AKAP7: variants seen among roughly 807,000 people sequenced by gnomAD.
AKAP7 encodes A-kinase anchoring protein 7.
In AKAP7, 39 loss-of-function variants were observed where a neutral mutation model predicts 39.5. The observed-to-expected ratio is 0.99, with a 90% confidence interval of 0.76 to 1.29. The LOEUF (loss-of-function observed/expected upper bound fraction) is 1.29. Among genes scored for constraint, AKAP7 ranks in the 50% most tolerant of loss-of-function variants. AKAP7 has a pLI of 0.00. For synonymous variants in AKAP7, 140 were observed against 139.1 expected (o/e 1.01, Z -0.05); for missense variants, 414 against 407.7 (o/e 1.02, Z -0.13).
Position 131,201,774 on chromosome 6 carries a change from G to C in AKAP7, c.702+2201G>C, listed in dbSNP as rs1807592494. On this transcript the variant is annotated intron_variant, in intron 6 of 7. Transcript: ENST00000431975. Reference sequence around the variant, plus strand: ...CATCTTGAATTAATTTTTGTATAAGGTGTAAGGAAGGGATCCAGTTTCAGC... The same window carrying C: ...CATCTTGAATTAATTTTTGTATAAGCTGTAAGGAAGGGATCCAGTTTCAGC... Among the ~76,000 whole-genome samples, 6 of 152,166 alleles carry C rather than the reference G, an allele frequency of 3.9e-5. 1 individual carries two copies. In the Middle Eastern group the frequency reaches 0.01, roughly 259 times the overall value.
intron 6 of AKAP7, among the ~76,000 whole-genome samples, chr6:131,212,672 G>T (rs1808783439): frequency 6.6e-6 from 1 of 152,156 alleles, no homozygotes. Context: ...TAAGTAGTAT[G>T]CAGGGAATAC....
intron 7 of AKAP7, among the ~76,000 whole-genome samples, chr6:131,227,000 A>G (rs2128303033): frequency 6.6e-6 from 1 of 152,340 alleles, no homozygotes. Flanking sequence ...CAAAGGCTAC[A>G]TCTGAGAAAT....
At chr6:131,246,636 T>C (rs1013229251) in intron 7 of AKAP7, among the ~76,000 whole-genome samples, 1 of 151,716 alleles carries the variant, frequency 6.6e-6, no homozygotes, top group Non-Finnish European at 1.5e-5. Flanking sequence ...AATTGAGTCG[T>C]TTTTCCAAGA....
intron 7 of AKAP7, among the ~76,000 whole-genome samples, chr6:131,268,266 A>C (rs1174911912): frequency 6.6e-6 from 1 of 152,136 alleles, no homozygotes; most frequent in East Asian, 1.9e-4. Flanking sequence ...GTCTTGGATG[A>C]ACTAAGCTTC....
chr6:131,162,798 C>T (rs1803109950), intron 3 of AKAP7, among the ~76,000 whole-genome samples: 1 of 152,160 alleles, frequency 6.6e-6, no homozygotes, highest in Non-Finnish European at 1.5e-5. Flanking sequence ...GCTCAAACCT[C>T]TCTACCCATG....
intron 7 of AKAP7, among the ~76,000 whole-genome samples, chr6:131,245,903 C>T (rs796077913): frequency 7.9e-5 from 12 of 152,120 alleles, no homozygotes; most frequent in African/African-American, 2.9e-4. Flanking sequence ...GTTTTTCCTT[C>T]TCATGTGTCT....
Position 131,269,402 on chromosome 6 carries a change from G to A in AKAP7, c.851-12128G>A, listed in dbSNP as rs759755790. Among the ~76,000 whole-genome samples the A allele has an allele frequency of 5.8e-4, 88 of 152,164 alleles. 3 individuals are homozygous for A. The highest frequency in any genetic ancestry group is 1.9e-4 in the Non-Finnish European group (13 of 68,028). ...AGAATTGCACCTCTCAATCAGTTCTGCACAAAATGACTTGGAGTGGTCTTG... is the reference window on the plus strand; with the variant it reads ...AGAATTGCACCTCTCAATCAGTTCTACACAAAATGACTTGGAGTGGTCTTG... On this transcript the variant is annotated intron_variant, in intron 7 of 7. Transcript: ENST00000431975.
chr6:131,128,546 G>A, the AKAP7 span, among the ~76,000 whole-genome samples: 1 of 152,140 alleles, frequency 6.6e-6, no homozygotes, highest in East Asian at 1.9e-4. Flanking sequence ...TTAAGGCTGG[G>A]TGTGGTGGCT....
chr6:131,242,410 A>G (rs1811695183), intron 7 of AKAP7, among the ~76,000 whole-genome samples: 1 of 151,942 alleles, frequency 6.6e-6, no homozygotes, highest in Admixed American at 6.6e-5. Context: ...ATGTATTACA[A>G]TTACAATTTT....
intron 7 of AKAP7, among the ~76,000 whole-genome samples, chr6:131,235,852 T>G (rs1370322234): frequency 6.6e-6 from 1 of 152,258 alleles, no homozygotes; most frequent in Non-Finnish European, 1.5e-5. Context: ...TCTCCCATTC[T>G]GTATGTTGCC....
intron 7 of AKAP7, among the ~76,000 whole-genome samples, chr6:131,280,927 A>T (rs73634706): frequency 0.035 from 5,338 of 152,222 alleles, 316 homozygotes; most frequent in African/African-American, 0.12. Context: ...TTCTTTAAAG[A>T]ATTTCCTATT....
chr6:131,183,859 G>C (rs1679566953), intron 5 of AKAP7, among the ~76,000 whole-genome samples: 1 of 152,130 alleles, frequency 6.6e-6, no homozygotes, highest in South Asian at 2.1e-4. Context: ...AAAGCTCCTT[G>C]TGGCTGTGGC....
rs13192517 is a variant in AKAP7, at chr6:131,190,453, G to A, written c.590-9008G>A. On this transcript the variant is annotated intron_variant, in intron 5 of 7. Coordinates refer to ENST00000431975, the MANE Select transcript of AKAP7 (RefSeq NM_016377.4). ...AGGCCAGGAGTGCAAGATCAGATTG[G>A]CCAACATGACAAAACCCATAACTAC... Among the ~76,000 whole-genome samples the A allele has an allele frequency of 2.8e-4, 43 of 151,996 alleles. 1 individual carries two copies. The highest frequency in any genetic ancestry group is 6.8e-3 in the Middle Eastern group (2 of 294).
intron 7 of AKAP7, among the ~76,000 whole-genome samples, chr6:131,273,988 G>A (rs148371559): frequency 1.9e-3 from 287 of 148,158 alleles, no homozygotes; most frequent in African/African-American, 6.9e-3. Context: ...CGCCCAGGCT[G>A]GTGTGCAGTG....
At chr6:131,269,242 T>C (rs541840275) in intron 7 of AKAP7, among the ~76,000 whole-genome samples, 39 of 152,268 alleles carry the variant, frequency 2.6e-4, no homozygotes, top group African/African-American at 8.9e-4. Context: ...TTTGTATTTT[T>C]AGTGGAGACA....
chr6:131,202,762 TAATAA>T (rs375201621), intron 6 of AKAP7, among the ~76,000 whole-genome samples: 94 of 151,892 alleles, frequency 6.2e-4, no homozygotes, highest in East Asian at 2.1e-3. Context: ...AGTATAATAA[TAATAA>T]AATAAAATAA....
At chr6:131,217,542 G>A (rs530050235) in intron 6 of AKAP7, among the ~76,000 whole-genome samples, 81 of 152,050 alleles carry the variant, frequency 5.3e-4, no homozygotes, top group Middle Eastern at 6.3e-3. Flanking sequence ...TTCAAAAGGC[G>A]TCATGCCTTT....
Position 131,281,476 on chromosome 6 carries a change from A to T in AKAP7, c.851-54A>T. ...GGAACTAGCCGGCCCCTGCATGCCA[A>T]GTTTCTATGGCAATGTGATCTCAGT... On this transcript the variant is annotated intron_variant, in intron 7 of 7. Coordinates refer to ENST00000431975, the MANE Select transcript of AKAP7 (RefSeq NM_016377.4). This position sits in a 1 kb window ranked among gnomAD's most constrained non-coding sequence, Gnocchi z 4.0. The T allele has an allele frequency of 7.0e-7, 1 of 1,423,392 alleles. No individual in the cohort carries two copies. Among genetic ancestry groups the T allele is most frequent in the Admixed American group, 2.4e-5 (1 of 42,548 alleles). 88.2% of individuals were successfully genotyped at this position (1,423,392 alleles called of 1,614,324 possible). A position where few individuals can be genotyped will look rare whatever the true frequency, so the allele number is the denominator to read the frequency against.
At chr6:131,280,105 C>T (rs929249456) in intron 7 of AKAP7, among the ~76,000 whole-genome samples, 11 of 152,032 alleles carry the variant, frequency 7.2e-5, no homozygotes, top group East Asian at 3.8e-4. Context: ...TTTCTTTAAC[C>T]GTATTATTTA....
Sources: gnomAD v4.1 joint callset for allele counts (sites outside exome capture counted in the v4.1 genomes callset) on GRCh38, gnomAD v4.1.1 for gene constraint, Gnocchi (gnomAD v3.1) non-coding constraint, MANE v1.5 for transcripts, NCBI Gene and HGNC (gene_info 2026-07-23, HGNC 2026-07-21) for gene names.